IQCJ: variants seen among roughly 807,000 people sequenced by gnomAD.
IQCJ encodes the protein IQ domain-containing protein J.
IQCJ carries 9 observed loss-of-function variants against 11.0 expected under a neutral mutation model. That is an observed-to-expected ratio of 0.82 (90% CI 0.49 to 1.43). The LOEUF is 1.43. IQCJ is among the 40% of genes most tolerant of loss of function. The probability of loss-of-function intolerance (pLI) is 0.00; values close to 1 mark genes in which losing one functional copy is unlikely to be tolerated. For missense variants in IQCJ, 146 were observed against 133.2 expected (o/e 1.10, Z -0.47); for synonymous variants, 55 against 51.3 (o/e 1.07, Z -0.31).
chr3:159,153,148 T>G (rs1721323545), intron 1 of IQCJ, among the ~76,000 whole-genome samples: 1 of 152,242 alleles, frequency 6.6e-6, no homozygotes, highest in Admixed American at 6.5e-5. Context: ...AAGATAATAT[T>G]TGGCATACTG....
intron 1 of IQCJ, among the ~76,000 whole-genome samples, chr3:159,210,414 G>C (rs1357314767): frequency 6.6e-6 from 1 of 152,132 alleles, no homozygotes; most frequent in Non-Finnish European, 1.5e-5. Context: ...TTGTACTCTA[G>C]TAGAAGTTAA....
Position 159,121,487 on chromosome 3 carries a change from T to G in IQCJ, c.9+52046T>G, listed in dbSNP as rs372880155. Among the ~76,000 whole-genome samples, 14 of 152,244 alleles carry G rather than the reference T, an allele frequency of 9.2e-5. No homozygotes were observed. In the East Asian group the frequency reaches 2.5e-3, roughly 27 times the overall value. ...AAGCAGAGGGAAAGAAGGGGGAAAT[T>G]ACAGTCTGCAGCCATTTGATAATTC... is the stretch of plus-strand genomic sequence containing the variant. On this transcript the variant is annotated intron_variant, in intron 1 of 3. Coordinates refer to ENST00000397832, the MANE Select transcript of IQCJ (RefSeq NM_001042706.3).
rs548834337 is a variant in IQCJ at position 159,092,825 on chromosome 3, T to C, written c.9+23384T>C. ...TTTTTTTTTAGCCAGTATAGTATAT[T>C]GTGTCATGTAAGAGAATACTCTTAT... On this transcript the variant is annotated intron_variant, in intron 1 of 3. Transcript: ENST00000397832. Among the ~76,000 whole-genome samples, 3 of 151,718 alleles carry C rather than the reference T, an allele frequency of 2.0e-5. No homozygotes were observed. The South Asian group carries it at 6.2e-4, about 31-fold the overall frequency.
intron 1 of IQCJ, among the ~76,000 whole-genome samples, chr3:159,146,321 A>G (rs1209915489): frequency 6.6e-6 from 1 of 150,938 alleles, no homozygotes; most frequent in Admixed American, 6.6e-5. Flanking sequence ...AAATCCAAGT[A>G]AAAAAAAAGG....
intron 1 of IQCJ, among the ~76,000 whole-genome samples, chr3:159,149,792 G>A (rs1461013147): frequency 3.3e-5 from 5 of 152,178 alleles, no homozygotes; most frequent in African/African-American, 1.2e-4. Flanking sequence ...TTGACACCAA[G>A]CATTGAATCT....
At chr3:159,121,309 AT>A (rs199910908) in intron 1 of IQCJ, among the ~76,000 whole-genome samples, 1 of 151,394 alleles carries the variant, frequency 6.6e-6, no homozygotes, top group South Asian at 2.1e-4. Flanking sequence ...AATCAAAAAA[AT>A]TTTTTTTAGA....
At chr3:159,150,240 A>T (rs1721133258) in intron 1 of IQCJ, among the ~76,000 whole-genome samples, 2 of 152,172 alleles carry the variant, frequency 1.3e-5, no homozygotes, top group South Asian at 4.1e-4. Flanking sequence ...GAGGGAAGGG[A>T]TGGAAACCGA....
intron 1 of IQCJ, among the ~76,000 whole-genome samples, chr3:159,084,630 A>G (rs1716577241): frequency 6.6e-6 from 1 of 152,106 alleles, no homozygotes; most frequent in Non-Finnish European, 1.5e-5. Context: ...GGGTTAAGCA[A>G]CTTGCCAGGG....
At chr3:159,143,047 A>G (rs1345698318) in intron 1 of IQCJ, among the ~76,000 whole-genome samples, 2 of 152,188 alleles carry the variant, frequency 1.3e-5, no homozygotes, top group East Asian at 3.8e-4. Flanking sequence ...TGCTTTGTGT[A>G]TGTTGCTGCA....
At chr3:159,149,380 A>C (rs1721082247) in intron 1 of IQCJ, among the ~76,000 whole-genome samples, 1 of 152,186 alleles carries the variant, frequency 6.6e-6, no homozygotes, top group Admixed American at 6.5e-5. Flanking sequence ...TAGCTCTTTC[A>C]GATATTAGAT....
rs566463220 is a variant in IQCJ at position 159,110,876 on chromosome 3, A to G, written c.9+41435A>G. 9.9e-4 allele frequency among the ~76,000 whole-genome samples: 150 copies of G among 152,262 alleles called. 3 individuals carry two copies. The South Asian group carries it at 0.03, about 31-fold the overall frequency. On this transcript the variant is annotated intron_variant, in intron 1 of 3. Coordinates refer to ENST00000397832, the MANE Select transcript of IQCJ (RefSeq NM_001042706.3). ...TCCATTATGCTTAAAAAACAAAAGC[A>G]AACAAAACAAAATCCAGTCTGAAAT...
chr3:159,105,224 C>T (rs1718177976), intron 1 of IQCJ, among the ~76,000 whole-genome samples: 1 of 152,104 alleles, frequency 6.6e-6, no homozygotes, highest in Non-Finnish European at 1.5e-5. Flanking sequence ...GATTTGAACA[C>T]ATGTTTATCT....
chr3:159,260,064 A>C (rs2108231841), intron 3 of IQCJ, among the ~76,000 whole-genome samples: 1 of 152,322 alleles, frequency 6.6e-6, no homozygotes, highest in East Asian at 1.9e-4. Flanking sequence ...AGAAAAGAAA[A>C]GGATATCCAT....
At position 159,235,541 on chromosome 3, in the gene IQCJ, G is replaced by T. The variant is rs146525962; in HGVS notation, c.10-10302G>T. On this transcript the variant is annotated intron_variant, in intron 1 of 3. Transcript: ENST00000397832. ...AACAATCCTGGATCCAGTGCGAGTG[G>T]ATTGCAGTTTGCTGGTGCTTATTCA... Among the ~76,000 whole-genome samples, 412 of 152,282 alleles carry T rather than the reference G, an allele frequency of 2.7e-3. 2 individuals are homozygous for T. The highest frequency in any genetic ancestry group is 0.019 in the Admixed American group (286 of 15,288).
intron 1 of IQCJ, among the ~76,000 whole-genome samples, chr3:159,168,020 A>G (rs996455986): frequency 6.6e-6 from 1 of 152,202 alleles, no homozygotes; most frequent in Non-Finnish European, 1.5e-5. Flanking sequence ...ATTCTTGCCC[A>G]GGTGAGCTGG....
At chr3:159,181,756 CCT>C (rs1723103748) in intron 1 of IQCJ, among the ~76,000 whole-genome samples, 1 of 151,770 alleles carries the variant, frequency 6.6e-6, no homozygotes, top group Non-Finnish European at 1.5e-5. Context: ...CTCTTTTCCA[CCT>C]CTCTAATCTG....
chr3:159,124,139 G>A (rs988356826), intron 1 of IQCJ, among the ~76,000 whole-genome samples: 3 of 151,960 alleles, frequency 2.0e-5, no homozygotes, highest in Non-Finnish European at 2.9e-5. Flanking sequence ...AGCTCCCTCC[G>A]CCCTTATTTG....
At chr3:159,242,099 C>T (rs1364415715) in intron 1 of IQCJ, among the ~76,000 whole-genome samples, 2 of 152,104 alleles carry the variant, frequency 1.3e-5, no homozygotes, top group Non-Finnish European at 2.9e-5. Context: ...AGGGAGCAAC[C>T]GTGGCTGTTT....
intron 1 of IQCJ, among the ~76,000 whole-genome samples, chr3:159,207,937 A>G (rs1159404992): frequency 6.6e-6 from 1 of 152,178 alleles, no homozygotes; most frequent in Non-Finnish European, 1.5e-5. Context: ...CATTCGAACA[A>G]AGCAAATACA....
Sources: allele counts gnomAD v4.1 joint callset (sites outside exome capture counted in the v4.1 genomes callset), GRCh38; gene constraint gnomAD v4.1.1; transcripts MANE v1.5; gene names NCBI Gene and HGNC (gene_info 2026-07-23, HGNC 2026-07-21).